The following ITPK1 variants were observed in gnomAD, a reference collection of about 807,000 sequenced individuals.
ITPK1 encodes the protein inositol-tetrakisphosphate 1-kinase.
Under a neutral mutation model 45.3 loss-of-function variants are expected in ITPK1, and 21 were observed. The ratio of observed to expected loss-of-function variants is 0.46; its 90% CI spans 0.33 to 0.67. The LOEUF is 0.67. Among genes scored for constraint, ITPK1 ranks in the 30% least tolerant of loss-of-function variants. The probability of loss-of-function intolerance (pLI) is 0.02; values close to 1 mark genes in which losing one functional copy is unlikely to be tolerated. For synonymous variants in ITPK1, 258 were observed against 253.6 expected, an observed-to-expected ratio of 1.02 and a Z score of -0.16; for missense variants, 474 against 573.5, an observed-to-expected ratio of 0.83 and a Z score of 1.77.
intron 4 of ITPK1, among the ~76,000 whole-genome samples, chr14:92,998,302 G>A (rs1887162306): frequency 6.6e-6 from 1 of 152,206 alleles, no homozygotes; most frequent in East Asian, 1.9e-4. Flanking sequence ...ACCCTGCCTT[G>A]CCCTGTGCAG....
In ITPK1 at chr14:92,958,281, A is replaced by G; in HGVS notation, c.590T>C (p.Leu197Pro). 1 of 1,614,216 alleles carries G rather than the reference A, an allele frequency of 6.2e-7. No homozygotes were observed. The highest frequency in any genetic ancestry group is 8.5e-7 in the Non-Finnish European group (1 of 1,180,028). ...VQNFINHNAV[L>P]YKVFVVGESY... ...CTCGCCAACCACGAACACCTTGTAC[A>G]GGACGGCGTTGTGGTTGATGAAATT... The change falls in exon 8 of 11, where the codon CTG (leucine) becomes CCG (proline). Residue 197 changes from leucine to proline, a missense_variant. Coordinates refer to ENST00000267615, the MANE Select transcript of ITPK1 (RefSeq NM_014216.6). The surrounding 1 kb of genome is among the most constrained non-coding windows in gnomAD (Gnocchi z 4.4).
At chr14:93,095,959 G>T (rs114811512) in intron 2 of ITPK1, among the ~76,000 whole-genome samples, 2 of 152,064 alleles carry the variant, frequency 1.3e-5, no homozygotes, top group East Asian at 3.8e-4. Flanking sequence ...AGTATTTCAC[G>T]GACTATGTTG....
At chr14:93,015,776 G>A (rs1436144313) in intron 4 of ITPK1, among the ~76,000 whole-genome samples, 3 of 152,332 alleles carry the variant, frequency 2.0e-5, no homozygotes, top group Non-Finnish European at 4.4e-5. Flanking sequence ...AGCAAGGGGG[G>A]CCAAGGCGGC....
Position 92,940,591 on chromosome 14 carries a change from G to A in ITPK1, c.*970C>T. ...GGAAGAGGGCCCCGATCTCCATGGT[G>A]TCATGCCGAGGCTCCCGCGCCTATC... On this transcript the variant is annotated 3_prime_UTR_variant, in exon 11 of 11. Transcript: ENST00000267615. 8.4e-7 allele frequency: 1 copy of A among 1,195,390 alleles called. No homozygotes were observed. The highest frequency in any genetic ancestry group is 1.5e-5 in the South Asian group (1 of 65,744). 74.0% of individuals were successfully genotyped at this position (1,195,390 alleles called of 1,614,324 possible). A position where few individuals can be genotyped will look rare whatever the true frequency, so the allele number is the denominator to read the frequency against.
At chr14:92,952,387 A>C (rs1233152312) in intron 8 of ITPK1, among the ~76,000 whole-genome samples, 1 of 152,186 alleles carries the variant, frequency 6.6e-6, no homozygotes, top group African/African-American at 2.4e-5. Flanking sequence ...GAGAGGGCCC[A>C]CATCAAAGCA....
rs1566696045 is a variant in ITPK1, at chr14:92,958,232, G to C, written c.639C>G (p.Pro213=). 1.1e-5 allele frequency: 17 copies of C among 1,614,194 alleles called. No homozygotes were observed. The highest frequency in any genetic ancestry group is 1.1e-5 in the Non-Finnish European group (13 of 1,180,020). ...TGCCTGCGGAGAAGTTCTTGAGTGA[G>C]GGCCTCTGGACCACGGTGTAGGACT... ...VGESYTVVQR[P]SLKNFSAGTS... The change falls in exon 8 of 11, where the codon CCC becomes CCG. Residue 213 remains proline, a synonymous_variant. Coordinates refer to ENST00000267615, the MANE Select transcript of ITPK1 (RefSeq NM_014216.6). The surrounding 1 kb of genome is among the most constrained non-coding windows in gnomAD (Gnocchi z 4.4).
intron 3 of ITPK1, among the ~76,000 whole-genome samples, chr14:93,037,348 T>C (rs1889367965): frequency 6.6e-6 from 1 of 152,166 alleles, no homozygotes; most frequent in South Asian, 2.1e-4. Context: ...TTCAAACAGA[T>C]GGTCAAGGTC....
chr14:93,087,241 C>T (rs946723861), intron 2 of ITPK1, among the ~76,000 whole-genome samples: 2 of 152,254 alleles, frequency 1.3e-5, no homozygotes, highest in African/African-American at 4.8e-5. Context: ...GGCCACAACA[C>T]CCCAACCTCT....
At chr14:93,086,783 G>A (rs1389697051) in intron 2 of ITPK1, among the ~76,000 whole-genome samples, 2 of 152,224 alleles carry the variant, frequency 1.3e-5, no homozygotes, top group Admixed American at 6.5e-5. Flanking sequence ...CAAAGGCAAA[G>A]ACCAGGTCAT....
chr14:93,021,610 A>C lies in ITPK1; in HGVS notation c.121-4809T>G, dbSNP rs139646924. The stretch of plus-strand genomic sequence containing the variant: ...CCTGTCTCAAAAAAAAAAAGAAAAG[A>C]AAAAGAAAAAGAAACGAGCTTGGCC... On this transcript the variant is annotated intron_variant, in intron 3 of 10. Transcript: ENST00000267615. 3.4e-3 allele frequency among the ~76,000 whole-genome samples: 512 copies of C among 149,842 alleles called. 5 individuals carry two copies. Among genetic ancestry groups the C allele is most frequent in the African/African-American group, 0.012 (476 of 40,242 alleles).
At chr14:92,965,683 G>C (rs555188867) in intron 5 of ITPK1, among the ~76,000 whole-genome samples, 1 of 152,326 alleles carries the variant, frequency 6.6e-6, no homozygotes, top group Admixed American at 6.5e-5. Context: ...TATATGATAA[G>C]CAACTGTACT....
At position 92,941,729 on chromosome 14, in the gene ITPK1, G is replaced by C. The variant is rs771103276; in HGVS notation, c.1077C>G (p.Pro359=). The change falls in exon 11 of 11, where the codon CCC becomes CCG. Residue 359 remains proline (P), a synonymous_variant. Transcript: ENST00000267615. ...LVGERTCSAS[P]GCCGSMMGQD... is the part of the protein sequence containing the mutation. ...GGCCCATCATGCTGCCGCAGCAGCC[G>C]GGGCTGGCGCTGCATGTCCGCTCGC... 6.3e-7 allele frequency: 1 copy of C among 1,589,472 alleles called. No homozygotes were observed. The highest frequency in any genetic ancestry group is 8.5e-7 in the Non-Finnish European group (1 of 1,169,954).
chr14:93,003,800 C>T (rs1887475869), intron 4 of ITPK1, among the ~76,000 whole-genome samples: 1 of 152,216 alleles, frequency 6.6e-6, no homozygotes, highest in South Asian at 2.1e-4. Context: ...TCCTGGGGCA[C>T]TGTGCAAGTT....
chr14:92,972,028 T>C (rs573491841), intron 5 of ITPK1, among the ~76,000 whole-genome samples: 33 of 152,266 alleles, frequency 2.2e-4, no homozygotes, highest in Admixed American at 1.9e-3. Context: ...AGTCTGTTAA[T>C]CCAGGAAGCC....
rs1282096530 is a variant in ITPK1, at chr14:92,951,981, C to T, written c.703G>A (p.Val235Met). ...ACCGATGACGACTCCGGCTTTGACA[C>T]GTTGTGGCTGTTGAAGAAGATGGAC... ...RESIFFNSHN[V>M]SKPESSSVLT... The change falls in exon 9 of 11, where the codon GTG becomes ATG. Residue 235 changes from valine (V) to methionine (M), a missense_variant. Val to Met is a conservative substitution (Grantham distance 21, BLOSUM62 1). Transcript: ENST00000267615. The T allele has an allele frequency of 6.3e-7, 1 of 1,579,352 alleles. No individual in the cohort carries two copies. The highest frequency in any genetic ancestry group is 8.6e-7 in the Non-Finnish European group (1 of 1,162,174).
At chr14:93,088,331 GTTTT>G (rs1432639506) in intron 2 of ITPK1, among the ~76,000 whole-genome samples, 4 of 130,620 alleles carry the variant, frequency 3.1e-5, no homozygotes, top group Non-Finnish European at 6.5e-5. Context: ...TTCTTTTTTG[GTTTT>G]GTTTTGTTTT....
chr14:92,959,112 A>T (rs2139734247), intron 7 of ITPK1, among the ~76,000 whole-genome samples: 1 of 152,332 alleles, frequency 6.6e-6, no homozygotes, highest in East Asian at 1.9e-4. Context: ...GGTCCCTGAC[A>T]GGAGGATCTG....
In ITPK1 at chr14:93,032,205, C is replaced by G. The variant is rs977184095; in HGVS notation, c.121-15404G>C. Among the ~76,000 whole-genome samples, 1 of 152,140 alleles carries G rather than the reference C, an allele frequency of 6.6e-6. No homozygotes were observed. Among genetic ancestry groups the G allele is most frequent in the African/African-American group, 2.4e-5 (1 of 41,424 alleles). ...TCTCTACTAAAAGTGCAAAAATTAG[C>G]TGGGCATGGTGGTGCATGCCTGCAA... On this transcript the variant is annotated intron_variant, in intron 3 of 10. Transcript: ENST00000267615. This position sits in a 1 kb window ranked among gnomAD's most constrained non-coding sequence, Gnocchi z 4.0.
intron 3 of ITPK1, among the ~76,000 whole-genome samples, chr14:93,039,672 T>A (rs1028078423): frequency 6.6e-6 from 1 of 152,196 alleles, no homozygotes; most frequent in Admixed American, 6.5e-5. Flanking sequence ...AGGACGCACC[T>A]ACACCTCACA....
Sources: allele counts gnomAD v4.1 joint callset (sites outside exome capture counted in the v4.1 genomes callset), GRCh38; gene constraint gnomAD v4.1.1; non-coding constraint Gnocchi (gnomAD v3.1); transcripts MANE v1.5; gene names NCBI Gene and HGNC (gene_info 2026-07-23, HGNC 2026-07-21).